ME1: variants seen among roughly 807,000 people sequenced by gnomAD.
The protein encoded by ME1 is NADP-dependent malic enzyme.
ME1 carries 74 observed loss-of-function variants against 66.4 expected under a neutral mutation model. The observed-to-expected ratio is 1.11, with a 90% CI of 0.92 to 1.35. The LOEUF (loss-of-function observed/expected upper bound fraction) is 1.35, where lower values mean the gene tolerates loss of function less well. Among genes scored for constraint, ME1 ranks in the 40% most tolerant of loss-of-function variants. The pLI, the probability that ME1 is intolerant of heterozygous loss-of-function variation, is 0.00. For synonymous variants in ME1, 251 were observed against 235.6 expected (o/e 1.07, Z -0.60); for missense variants, 750 against 694.1 (o/e 1.08, Z -0.90).
At chr6:83,312,435 C>A (rs2128538666) in intron 6 of ME1, among the ~76,000 whole-genome samples, 1 of 152,266 alleles carries the variant, frequency 6.6e-6, no homozygotes, top group African/African-American at 2.4e-5. Context: ...ATATCAAATC[C>A]TCAGCCTGTG....
intron 1 of ME1, among the ~76,000 whole-genome samples, chr6:83,421,009 T>C (rs894262360): frequency 2.6e-5 from 4 of 152,084 alleles, no homozygotes; most frequent in African/African-American, 9.7e-5. Context: ...GAAGCTTCCC[T>C]GTATGCAGAC....
chr6:83,224,693 AAAAAT>A (rs200164241), intron 11 of ME1, among the ~76,000 whole-genome samples: 4,195 of 135,716 alleles, frequency 0.031, 81 homozygotes, highest in Admixed American at 0.052. Flanking sequence ...CAAAAAAAAA[AAAAAT>A]AAAAATAATA....
At chr6:83,243,139 G>A (rs937423298) in intron 7 of ME1, among the ~76,000 whole-genome samples, 1 of 150,882 alleles carries the variant, frequency 6.6e-6, no homozygotes, top group Non-Finnish European at 1.5e-5. Context: ...GATGGTACAT[G>A]CCTGTATTCC....
intron 6 of ME1, among the ~76,000 whole-genome samples, chr6:83,293,390 T>C (rs1038955613): frequency 6.6e-6 from 1 of 152,170 alleles, no homozygotes; most frequent in African/African-American, 2.4e-5. Flanking sequence ...TGAAACTCTA[T>C]ACTCATACTA....
Position 83,346,347 on chromosome 6 carries a change from G to A in ME1, c.439-13C>T, listed in dbSNP as rs746668890. 3 of 1,557,252 alleles carry A rather than the reference G, an allele frequency of 1.9e-6. No individual in the cohort carries two copies. Among genetic ancestry groups the A allele is most frequent in the Non-Finnish European group, 2.6e-6 (3 of 1,151,388 alleles). ...TCACCACAATGGCCTGGAAGAAAAA[G>A]AAAAATTACCTATTAACAAGTTTTC... On this transcript the variant is annotated splice_polypyrimidine_tract_variant and intron_variant, in intron 4 of 13. Coordinates refer to ENST00000369705, the MANE Select transcript of ME1 (RefSeq NM_002395.6).
At chr6:83,318,057 T>G (rs1768070672) in intron 5 of ME1, among the ~76,000 whole-genome samples, 1 of 152,196 alleles carries the variant, frequency 6.6e-6, no homozygotes, top group African/African-American at 2.4e-5. Context: ...GGGGAAAGGA[T>G]TCCCTATTAA....
chr6:83,333,999 C>T (rs1242669244), intron 5 of ME1, among the ~76,000 whole-genome samples: 1 of 151,916 alleles, frequency 6.6e-6, no homozygotes, highest in Non-Finnish European at 1.5e-5. Flanking sequence ...TGGTCTACAG[C>T]TCCCAGCGTG....
intron 6 of ME1, among the ~76,000 whole-genome samples, chr6:83,291,049 C>T (rs1767492608): frequency 6.6e-6 from 1 of 152,090 alleles, no homozygotes; most frequent in South Asian, 2.1e-4. Flanking sequence ...ATACAGTATA[C>T]CACTGAGTCT....
intron 3 of ME1, among the ~76,000 whole-genome samples, chr6:83,356,447 ATAGC>A (rs1768891566): frequency 6.6e-6 from 1 of 152,220 alleles, no homozygotes; most frequent in Admixed American, 6.5e-5. Context: ...AGATCAGGAA[ATAGC>A]TAGGATAAAG....
intron 6 of ME1, among the ~76,000 whole-genome samples, chr6:83,263,544 T>G (rs1271058893): frequency 2.0e-5 from 3 of 152,134 alleles, no homozygotes; most frequent in African/African-American, 4.8e-5. Context: ...AGTCTTTTTT[T>G]GGGAGTCTTT....
intron 7 of ME1, among the ~76,000 whole-genome samples, chr6:83,248,971 T>A (rs903245636): frequency 1.3e-5 from 2 of 152,158 alleles, no homozygotes; most frequent in African/African-American, 4.8e-5. Flanking sequence ...CTATATTTGC[T>A]TTTCATGAAT....
intron 1 of ME1, among the ~76,000 whole-genome samples, chr6:83,412,529 G>A (rs1049080814): frequency 6.6e-6 from 1 of 152,134 alleles, no homozygotes; most frequent in African/African-American, 2.4e-5. Flanking sequence ...GCAGAAAAGA[G>A]AATAAGGAAG....
chr6:83,227,024 A>G (rs1258535755), intron 11 of ME1, among the ~76,000 whole-genome samples: 1 of 152,182 alleles, frequency 6.6e-6, no homozygotes, highest in Non-Finnish European at 1.5e-5. Flanking sequence ...AGCTATTTTA[A>G]TAAGCCTCTA....
chr6:83,383,295 T>C (rs17196038), intron 3 of ME1, among the ~76,000 whole-genome samples: 8,517 of 152,024 alleles, frequency 0.056, 315 homozygotes, highest in Admixed American at 0.098. Flanking sequence ...TTTTACATTA[T>C]AAAATGAGCA....
At chr6:83,275,009 G>C (rs1221459274) in intron 6 of ME1, among the ~76,000 whole-genome samples, 3 of 152,192 alleles carry the variant, frequency 2.0e-5, no homozygotes, top group Non-Finnish European at 4.4e-5. Context: ...GTGACTAGAA[G>C]ATTTTAAAAT....
chr6:83,418,581 A>C (rs1038673648), intron 1 of ME1, among the ~76,000 whole-genome samples: 3 of 152,204 alleles, frequency 2.0e-5, no homozygotes, highest in Non-Finnish European at 1.5e-5. Flanking sequence ...GAGTTACAAG[A>C]GTAATGTTTG....
chr6:83,358,529 T>C (rs531550753), intron 3 of ME1, among the ~76,000 whole-genome samples: 1 of 152,260 alleles, frequency 6.6e-6, no homozygotes, highest in Non-Finnish European at 1.5e-5. Context: ...CACAAGCTCT[T>C]ATTGTGCAAG....
At chr6:83,377,970 CCA>C (rs1769324560) in intron 3 of ME1, among the ~76,000 whole-genome samples, 1 of 152,076 alleles carries the variant, frequency 6.6e-6, no homozygotes, top group Non-Finnish European at 1.5e-5. Flanking sequence ...ATGAGAGGAA[CCA>C]CAGAGATCCA....
chr6:83,415,627 A>C (rs1290968149), intron 1 of ME1, among the ~76,000 whole-genome samples: 1 of 152,212 alleles, frequency 6.6e-6, no homozygotes, highest in Admixed American at 6.5e-5. Flanking sequence ...ACAAAGATTT[A>C]TTTATGCAAT....
Sources: gnomAD v4.1 joint callset for allele counts (sites outside exome capture counted in the v4.1 genomes callset) on GRCh38, gnomAD v4.1.1 for gene constraint, MANE v1.5 for transcripts, NCBI Gene and HGNC (gene_info 2026-07-23, HGNC 2026-07-21) for gene names.